Variants in AFG2A observed in about 807,000 individuals in gnomAD.
AFG2A encodes the protein AAA ATPase AFG2A.
At chr4:123,299,699 T>G in the AFG2A span, among the ~76,000 whole-genome samples, 2 of 152,222 alleles carry the variant, frequency 1.3e-5, no homozygotes, top group Non-Finnish European at 2.9e-5. Context: ...GTTCACTTAG[T>G]TAAAATGGTG....
the AFG2A span, among the ~76,000 whole-genome samples, chr4:122,949,247 C>T: frequency 6.6e-6 from 1 of 152,330 alleles, no homozygotes; most frequent in African/African-American, 2.4e-5. Flanking sequence ...TGTCTCACTG[C>T]TGTCATCCAC....
chr4:123,204,335 T>C, the AFG2A span, among the ~76,000 whole-genome samples: 1 of 152,210 alleles, frequency 6.6e-6, no homozygotes, highest in Non-Finnish European at 1.5e-5. Flanking sequence ...CATGTGACTT[T>C]ATATTCCCAC....
At chr4:123,009,417 A>G in the AFG2A span, among the ~76,000 whole-genome samples, 43 of 152,242 alleles carry the variant, frequency 2.8e-4, no homozygotes, top group African/African-American at 9.9e-4. Flanking sequence ...TCAGATTGGT[A>G]CAGCATGGCC....
the AFG2A span, among the ~76,000 whole-genome samples, chr4:122,930,477 TA>T: frequency 6.6e-6 from 1 of 152,202 alleles, no homozygotes; most frequent in Non-Finnish European, 1.5e-5. Context: ...AGTTTTGGCA[TA>T]TTTTTTCCTT....
chr4:123,071,531 A>C, the AFG2A span, among the ~76,000 whole-genome samples: 1 of 152,058 alleles, frequency 6.6e-6, no homozygotes, highest in Non-Finnish European at 1.5e-5. Context: ...TCTGTGTTTG[A>C]ATCAAAACTA....
chr4:123,083,822 T>C, the AFG2A span, among the ~76,000 whole-genome samples: 1 of 152,118 alleles, frequency 6.6e-6, no homozygotes. Flanking sequence ...TTCGTCTAAT[T>C]GTGGCTTCAT....
chr4:123,232,255 A>G, the AFG2A span, among the ~76,000 whole-genome samples: 9 of 152,146 alleles, frequency 5.9e-5, no homozygotes, highest in African/African-American at 2.2e-4. Flanking sequence ...GACGAAGAAA[A>G]AGAAGAAAGT....
the AFG2A span, among the ~76,000 whole-genome samples, chr4:123,069,196 A>G: frequency 6.6e-6 from 1 of 152,184 alleles, no homozygotes; most frequent in Non-Finnish European, 1.5e-5. Context: ...GGCCAGTGAG[A>G]ACACATTTTG....
the AFG2A span, among the ~76,000 whole-genome samples, chr4:122,980,908 C>A: frequency 6.6e-6 from 1 of 151,766 alleles, no homozygotes; most frequent in African/African-American, 2.4e-5. Flanking sequence ...GGATAGCAGC[C>A]CCTTACCTCA....
At chr4:123,211,478 A>G in the AFG2A span, among the ~76,000 whole-genome samples, 1 of 152,160 alleles carries the variant, frequency 6.6e-6, no homozygotes, top group Non-Finnish European at 1.5e-5. Context: ...TTGGATATAT[A>G]CCACCCAGTG....
At chr4:123,180,758 TA>T in the AFG2A span, among the ~76,000 whole-genome samples, 2 of 152,210 alleles carry the variant, frequency 1.3e-5, no homozygotes, top group African/African-American at 4.8e-5. Flanking sequence ...AACTAAACTT[TA>T]AAATTATTTT....
chr4:123,008,949 T>C, the AFG2A span, among the ~76,000 whole-genome samples: 149 of 152,328 alleles, frequency 9.8e-4, 1 homozygote, highest in African/African-American at 3.5e-3. Context: ...TTTGTAATTT[T>C]ATTACCTATC....
At chr4:123,168,056 T>C in the AFG2A span, among the ~76,000 whole-genome samples, 4 of 152,184 alleles carry the variant, frequency 2.6e-5, no homozygotes, top group Admixed American at 6.5e-5. Flanking sequence ...TTTTGATCAG[T>C]TGAAATTACT....
At chr4:123,180,702 A>G in the AFG2A span, among the ~76,000 whole-genome samples, 1 of 152,256 alleles carries the variant, frequency 6.6e-6, no homozygotes, top group Non-Finnish European at 1.5e-5. Context: ...GTATTTTGAA[A>G]GAGAAAAGGA....
chr4:123,314,153 T>C, the AFG2A span: 4 of 1,169,062 alleles, frequency 3.4e-6, no homozygotes, highest in Non-Finnish European at 4.6e-6. Context: ...AAAAAAATTT[T>C]ACTAGGCAAA....
chr4:122,944,966 C>A, the AFG2A span, among the ~76,000 whole-genome samples: 3 of 152,126 alleles, frequency 2.0e-5, no homozygotes, highest in African/African-American at 7.2e-5. Context: ...TCCTGAACCG[C>A]GAATGCTGCT....
the AFG2A span, among the ~76,000 whole-genome samples, chr4:123,075,986 AAC>A: frequency 6.9e-6 from 1 of 145,072 alleles, no homozygotes; most frequent in African/African-American, 2.5e-5. Context: ...CAAAAAAAAA[AAC>A]AAAAAAAAAA....
the AFG2A span, among the ~76,000 whole-genome samples, chr4:123,126,476 G>C: frequency 6.6e-6 from 1 of 152,144 alleles, no homozygotes; most frequent in African/African-American, 2.4e-5. Context: ...AGGTCAGAGA[G>C]ATTGATACAG....
the AFG2A span, among the ~76,000 whole-genome samples, chr4:122,939,893 G>C: frequency 3.9e-5 from 6 of 151,982 alleles, no homozygotes; most frequent in South Asian, 8.3e-4. Flanking sequence ...TTGGTTTTTT[G>C]TCCTTGCGAT....
Sources: gnomAD v4.1 joint callset for allele counts (sites outside exome capture counted in the v4.1 genomes callset) on GRCh38, gnomAD v4.1.1 for gene constraint, MANE v1.5 for transcripts, NCBI Gene and HGNC (gene_info 2026-07-23, HGNC 2026-07-21) for gene names.